MYO16: variants seen among roughly 807,000 people sequenced by gnomAD.
MYO16 encodes unconventional myosin-XVI.
In MYO16, 94 loss-of-function variants were observed where a neutral mutation model predicts 205.3. That is an observed-to-expected ratio of 0.46 (90% CI 0.39 to 0.54). The LOEUF (loss-of-function observed/expected upper bound fraction) is 0.54. Ranked by LOEUF, MYO16 falls within the 20% of genes least tolerant of loss-of-function variation. The probability of loss-of-function intolerance (pLI) is 0.00; values close to 1 mark genes in which losing one functional copy is unlikely to be tolerated. For missense variants in MYO16, 2,315 were observed against 2,387.5 expected, an observed-to-expected ratio of 0.97 and a Z score of 0.63; for synonymous variants, 988 against 954.0, an observed-to-expected ratio of 1.04 and a Z score of -0.66.
chr13:108,707,633 A>G (rs1883562288), intron 2 of MYO16, among the ~76,000 whole-genome samples: 1 of 152,190 alleles, frequency 6.6e-6, no homozygotes, highest in South Asian at 2.1e-4. Context: ...GACATGTGGT[A>G]CTAGGGGCCA....
intron 20 of MYO16, among the ~76,000 whole-genome samples, chr13:108,975,635 A>G (rs1013705504): frequency 2.6e-5 from 4 of 152,170 alleles, no homozygotes; most frequent in African/African-American, 9.6e-5. Context: ...ATGCTTCCTT[A>G]TAGACACGTC....
At chr13:108,975,212 C>G (rs1329878900) in intron 20 of MYO16, among the ~76,000 whole-genome samples, 1 of 151,298 alleles carries the variant, frequency 6.6e-6, no homozygotes, top group Non-Finnish European at 1.5e-5. Flanking sequence ...ATTAAAAAGG[C>G]CACTATTGCG....
chr13:109,091,896 A>G (rs1329501687), intron 27 of MYO16, among the ~76,000 whole-genome samples: 4 of 152,234 alleles, frequency 2.6e-5, no homozygotes, highest in African/African-American at 4.8e-5. Flanking sequence ...TAAATAGTAT[A>G]ATATCTTGAA....
chr13:109,085,821 T>G (rs1418742556), intron 27 of MYO16, among the ~76,000 whole-genome samples: 2 of 152,106 alleles, frequency 1.3e-5, no homozygotes, highest in Non-Finnish European at 2.9e-5. Context: ...TGGATGATAG[T>G]CAGTGATAAG....
chr13:109,024,140 C>A (rs989204706), intron 23 of MYO16, among the ~76,000 whole-genome samples: 1 of 149,548 alleles, frequency 6.7e-6, no homozygotes, highest in Non-Finnish European at 1.5e-5. Context: ...AATTCATGTT[C>A]TTTGAATTTG....
intron 2 of MYO16, among the ~76,000 whole-genome samples, chr13:108,668,688 C>G (rs891064743): frequency 1.3e-5 from 2 of 152,114 alleles, no homozygotes; most frequent in Non-Finnish European, 2.9e-5. Context: ...TTTCTTTGTC[C>G]ATCCTTGTAT....
At chr13:108,805,307 ATATT>A (rs200459007) in intron 6 of MYO16, among the ~76,000 whole-genome samples, 1,777 of 152,338 alleles carry the variant, frequency 0.012, 16 homozygotes, top group Non-Finnish European at 0.018. Flanking sequence ...TTAGATGAAT[ATATT>A]TATTCTAATG....
At chr13:108,991,733 A>G (rs890251144) in intron 20 of MYO16, among the ~76,000 whole-genome samples, 5 of 152,178 alleles carry the variant, frequency 3.3e-5, no homozygotes, top group Non-Finnish European at 7.4e-5. Flanking sequence ...CTGCTTGCAT[A>G]GCATGAGAAG....
chr13:108,496,544 C>T, the MYO16 span, among the ~76,000 whole-genome samples: 1 of 152,154 alleles, frequency 6.6e-6, no homozygotes, highest in Non-Finnish European at 1.5e-5. Context: ...ACCAGTCTCA[C>T]CCGGGGGGCG....
chr13:108,635,630 A>G (rs1880188821), intron 1 of MYO16, among the ~76,000 whole-genome samples: 1 of 151,630 alleles, frequency 6.6e-6, no homozygotes, highest in South Asian at 2.1e-4. Flanking sequence ...CCTCCCAAGT[A>G]GCTGGGACTA....
At chr13:108,578,594 C>T in the MYO16 span, among the ~76,000 whole-genome samples, 1 of 152,166 alleles carries the variant, frequency 6.6e-6, no homozygotes, top group East Asian at 1.9e-4. Flanking sequence ...TGCCAGTGTC[C>T]TTGCCAGGGG....
At chr13:109,093,564 G>A (rs1377990441) in intron 27 of MYO16, among the ~76,000 whole-genome samples, 1 of 152,044 alleles carries the variant, frequency 6.6e-6, no homozygotes, top group Non-Finnish European at 1.5e-5. Context: ...GCATTAGTCT[G>A]GGGAATAAAT....
chr13:108,681,536 G>A lies in MYO16; in HGVS notation c.292+15387G>A, dbSNP rs184050049. On this transcript the variant is annotated intron_variant, in intron 2 of 34. Coordinates refer to ENST00000457511, the MANE Select transcript of MYO16 (RefSeq NM_001198950.3). ...CCAAGGCAGGTGAGGTTCTTGATTC[G>A]TGGAGCTTATGGTCCAGAATAAATA... Among the ~76,000 whole-genome samples, 32 of 152,268 alleles carry A rather than the reference G, an allele frequency of 2.1e-4. No homozygotes were observed. The East Asian group carries it at 4.6e-3, about 22-fold the overall frequency.
intron 16 of MYO16, among the ~76,000 whole-genome samples, chr13:108,921,455 C>A (rs1881742875): frequency 6.6e-6 from 1 of 152,176 alleles, no homozygotes; most frequent in Non-Finnish European, 1.5e-5. Flanking sequence ...ATATGCACTC[C>A]CCATCTTTGA....
chr13:108,557,144 G>T, the MYO16 span, among the ~76,000 whole-genome samples: 5 of 152,214 alleles, frequency 3.3e-5, no homozygotes, highest in African/African-American at 1.2e-4. Flanking sequence ...AAAATTTTAG[G>T]ATTGTGTTTT....
intron 32 of MYO16, among the ~76,000 whole-genome samples, chr13:109,157,205 A>G (rs950071422): frequency 7.2e-6 from 1 of 138,620 alleles, no homozygotes; most frequent in African/African-American, 2.8e-5. Context: ...CTCAAGGTCC[A>G]TTCAGCTGTA....
chr13:108,554,359 T>G, the MYO16 span, among the ~76,000 whole-genome samples: 1 of 152,166 alleles, frequency 6.6e-6, no homozygotes, highest in Non-Finnish European at 1.5e-5. Flanking sequence ...AAATACCTGT[T>G]TGAGAGTGTT....
the MYO16 span, among the ~76,000 whole-genome samples, chr13:108,566,920 C>A: frequency 6.6e-6 from 1 of 152,064 alleles, no homozygotes; most frequent in Non-Finnish European, 1.5e-5. Context: ...ACAATTAGAA[C>A]AATTTGACTA....
intron 16 of MYO16, among the ~76,000 whole-genome samples, chr13:108,944,890 G>C (rs887487101): frequency 6.6e-6 from 1 of 152,110 alleles, no homozygotes; most frequent in African/African-American, 2.4e-5. Flanking sequence ...CAAAATGGCA[G>C]TAGTAATAGT....
Sources: allele counts gnomAD v4.1 joint callset (sites outside exome capture counted in the v4.1 genomes callset), GRCh38; gene constraint gnomAD v4.1.1; transcripts MANE v1.5; gene names NCBI Gene and HGNC (gene_info 2026-07-23, HGNC 2026-07-21).